NCOR1: variants seen among roughly 807,000 people sequenced by gnomAD.
NCOR1 encodes the protein protein phosphatase 1, regulatory subunit 109.
In NCOR1, 63 loss-of-function variants were observed where a neutral mutation model predicts 288.1. The observed-to-expected ratio is 0.22, with a 90% CI of 0.18 to 0.27. The LOEUF (loss-of-function observed/expected upper bound fraction) is 0.27. Among genes scored for constraint, NCOR1 ranks in the 10% least tolerant of loss-of-function variants. The pLI, the probability that NCOR1 is intolerant of heterozygous loss-of-function variation, is 1.00. For missense variants in NCOR1, 2,397 were observed against 3,019.2 expected, an observed-to-expected ratio of 0.79 and a Z score of 4.83; for synonymous variants, 1,007 against 1,065.9, an observed-to-expected ratio of 0.94 and a Z score of 1.08.
chr17:16,092,686 TATATA>T (rs1400206824), intron 21 of NCOR1, among the ~76,000 whole-genome samples: 51 of 15,052 alleles, frequency 3.4e-3, no homozygotes, highest in African/African-American at 4.6e-3. Context: ...TATATATATA[TATATA>T]TATATTTTTT....
chr17:16,112,227 A>G (rs1435147472), intron 18 of NCOR1, among the ~76,000 whole-genome samples: 1 of 152,136 alleles, frequency 6.6e-6, no homozygotes, highest in Non-Finnish European at 1.5e-5. Flanking sequence ...TTCTCAAAAC[A>G]TTTTGGATGT....
chr17:16,155,906 G>C (rs1365515392), intron 6 of NCOR1, among the ~76,000 whole-genome samples: 3 of 152,158 alleles, frequency 2.0e-5, no homozygotes, highest in African/African-American at 7.2e-5. Context: ...GAAAGCCTGG[G>C]TTCTAGGCCC....
chr17:16,049,127 A>G (rs1367804337), intron 40 of NCOR1, 139 bp from the exon 41 acceptor site: 3 of 789,918 alleles, frequency 3.8e-6, no homozygotes, highest in South Asian at 2.2e-5. Context: ...AAGTTGCCTC[A>G]GGTATTCACT....
intron 15 of NCOR1, among the ~76,000 whole-genome samples, chr17:16,124,205 T>A (rs987544352): frequency 1.7e-4 from 26 of 152,144 alleles, no homozygotes; most frequent in Non-Finnish European, 3.5e-4. Context: ...CTTAAACAGT[T>A]CCACAAGGAC....
intron 21 of NCOR1, among the ~76,000 whole-genome samples, chr17:16,094,855 G>C (rs1056173599): frequency 6.6e-6 from 1 of 152,164 alleles, no homozygotes; most frequent in Non-Finnish European, 1.5e-5. Context: ...ATGGAGTCTC[G>C]TTAACTCAGT....
chr17:16,080,766 A>C (rs1407728121), intron 23 of NCOR1, 39 bp from the exon 24 acceptor site: 1 of 1,574,390 alleles, frequency 6.4e-7, no homozygotes, highest in Admixed American at 1.8e-5. Flanking sequence ...GATTAAGCAA[A>C]CATTGTTTTT....
At chr17:16,116,901 T>C (rs2071724755) in intron 18 of NCOR1, among the ~76,000 whole-genome samples, 1 of 152,228 alleles carries the variant, frequency 6.6e-6, no homozygotes, top group South Asian at 2.1e-4. Context: ...TTTGGTTCCC[T>C]GCCAAGATTT....
intron 22 of NCOR1, among the ~76,000 whole-genome samples, chr17:16,088,400 G>T (rs930675285): frequency 9.2e-5 from 14 of 152,192 alleles, no homozygotes; most frequent in African/African-American, 3.4e-4. Flanking sequence ...AAATAAACCT[G>T]ATTACTGCAG....
intron 22 of NCOR1, among the ~76,000 whole-genome samples, chr17:16,089,137 T>G (rs2152887360): frequency 6.6e-6 from 1 of 151,954 alleles, no homozygotes; most frequent in Admixed American, 6.5e-5. Context: ...TTTTTTTTTT[T>G]TTAAATGATG....
At position 16,186,666 on chromosome 17, in the gene NCOR1, G is replaced by A. The variant is rs1431286801; in HGVS notation, c.130C>T (p.Arg44Cys). Residue 44 changes from arginine to cysteine, a missense_variant, in exon 3 of 46, where the codon CGT becomes TGT. Physicochemically the swap from Arg to Cys is radical, Grantham distance 180. Transcript: ENST00000268712. ...TGACTCACTTCAAGATGAGAGGAAC[G>A]ATAATCAGGGACTGCGAACTCCTAG... ...HQQEFAVPDY[R>C]SSHLEVSQAS... 5 of 1,613,200 alleles carry A rather than the reference G, an allele frequency of 3.1e-6. No individual in the cohort carries two copies. Among genetic ancestry groups the A allele is most frequent in the African/African-American group, 1.3e-5 (1 of 74,878 alleles).
intron 37 of NCOR1, 131 bp downstream of exon 37, chr17:16,061,270 G>C: frequency 8.9e-7 from 1 of 1,120,468 alleles, no homozygotes. Flanking sequence ...AACAGCAGAA[G>C]ATACATTTTT....
At chr17:16,058,841 G>A (rs956520843) in intron 37 of NCOR1, among the ~76,000 whole-genome samples, 1 of 151,830 alleles carries the variant, frequency 6.6e-6, no homozygotes, top group Non-Finnish European at 1.5e-5. Context: ...GAGGTCAGGG[G>A]TTTGAGACCA....
intron 14 of NCOR1, among the ~76,000 whole-genome samples, chr17:16,135,745 G>A (rs1317461806): frequency 6.6e-6 from 1 of 152,106 alleles, no homozygotes; most frequent in Non-Finnish European, 1.5e-5. Flanking sequence ...CATCATGTGG[G>A]GTGGTGGTGT....
intron 41 of NCOR1, among the ~76,000 whole-genome samples, chr17:16,048,333 A>G (rs1190403402): frequency 6.6e-6 from 1 of 152,242 alleles, no homozygotes; most frequent in East Asian, 1.9e-4. Context: ...ATGCCATGCA[A>G]AAGACTGGGT....
At chr17:16,181,211 A>ATATG (rs1555787779) in intron 3 of NCOR1, among the ~76,000 whole-genome samples, 2 of 139,498 alleles carry the variant, frequency 1.4e-5, no homozygotes, top group African/African-American at 2.6e-5. Flanking sequence ...ATATATATGT[A>ATATG]TGTGTGTGTG....
intron 18 of NCOR1, among the ~76,000 whole-genome samples, chr17:16,109,995 G>A (rs1206234573): frequency 2.6e-5 from 4 of 152,224 alleles, no homozygotes; most frequent in Non-Finnish European, 5.9e-5. Flanking sequence ...GCCTCCCAAA[G>A]TGCTGGGATT....
chr17:16,090,108 G>C (rs1271213119), intron 22 of NCOR1, among the ~76,000 whole-genome samples: 1 of 152,072 alleles, frequency 6.6e-6, no homozygotes, highest in Non-Finnish European at 1.5e-5. Context: ...TGGAGTCTCA[G>C]AATTTGGGGC....
chr17:16,040,384 G>C, intron 43 of NCOR1, 57 bp downstream of exon 43: 1 of 1,441,542 alleles, frequency 6.9e-7, no homozygotes, highest in Non-Finnish European at 9.7e-7. Flanking sequence ...CATATTTGTT[G>C]GACTGACTAC....
chr17:16,085,135 C>T (rs2064018673), intron 23 of NCOR1, among the ~76,000 whole-genome samples: 1 of 152,170 alleles, frequency 6.6e-6, no homozygotes, highest in South Asian at 2.1e-4. Context: ...TAAATAGTCA[C>T]TTCATAGGTG....
Sources: gnomAD v4.1 joint callset for allele counts (sites outside exome capture counted in the v4.1 genomes callset) on GRCh38, gnomAD v4.1.1 for gene constraint, MANE v1.5 for transcripts, NCBI Gene and HGNC (gene_info 2026-07-23, HGNC 2026-07-21) for gene names.